The following NPNT variants were observed in gnomAD, a reference collection of about 807,000 sequenced individuals.
NPNT encodes preosteoblast EGF-like repeat protein with MAM domain.
A neutral mutation model predicts 68.6 loss-of-function variants in NPNT; 45 were observed. The observed-to-expected ratio is 0.66, with a 90% CI of 0.52 to 0.84. The LOEUF (loss-of-function observed/expected upper bound fraction) is 0.84, where lower values mean the gene tolerates loss of function less well. Ranked by LOEUF, NPNT falls within the 40% of genes least tolerant of loss-of-function variation. The probability of loss-of-function intolerance (pLI) is 0.00; values close to 1 mark genes in which losing one functional copy is unlikely to be tolerated. For missense variants in NPNT, 672 were observed against 714.8 expected, an observed-to-expected ratio of 0.94 and a Z score of 0.68; for synonymous variants, 233 against 253.3, an observed-to-expected ratio of 0.92 and a Z score of 0.76.
Position 105,958,566 on chromosome 4 carries a change from T to TA in NPNT, c.1246+10dup, listed in dbSNP as rs1455840280. The TA allele has an allele frequency of 2.0e-6, 3 of 1,470,004 alleles. No individual in the cohort carries two copies. The highest frequency in any genetic ancestry group is 2.8e-6 in the Non-Finnish European group (3 of 1,053,044). The allele number at this position is 1,470,004 out of a possible 1,614,324, so 91.1% of individuals were successfully genotyped here. On this transcript the variant is annotated intron_variant, in intron 9 of 11. Transcript: ENST00000379987. Reference sequence around the variant, plus strand: ...AGCAAAGGATGATCCAGGTGACACTTACACTCTTAGTGCCATCATAATGAC... The same window carrying TA: ...AGCAAAGGATGATCCAGGTGACACTTAACACTCTTAGTGCCATCATAATGAC...
chr4:105,937,016 T>C lies in NPNT; in HGVS notation c.273T>C (p.Asn91=). The C allele has an allele frequency of 1.2e-6, 2 of 1,612,982 alleles. No individual in the cohort carries two copies. The highest frequency in any genetic ancestry group is 1.7e-6 in the Non-Finnish European group (2 of 1,179,482). Residue 91 remains asparagine, a synonymous_variant, in exon 4 of 12, where the codon AAT becomes AAC. Coordinates refer to ENST00000379987, the MANE Select transcript of NPNT (RefSeq NM_001033047.3). ...AACCCACATTGTTTTCAGATCTAAA[T>C]GAGTGTGGCCTGAAGCCCCGGCCCT... The part of the protein sequence containing the change: ...YAGKTCNQDL[N]ECGLKPRPCK...
intron 2 of NPNT, among the ~76,000 whole-genome samples, chr4:105,901,356 T>C (rs1726402417): frequency 6.6e-6 from 1 of 152,234 alleles, no homozygotes; most frequent in Non-Finnish European, 1.5e-5. Flanking sequence ...GTTGAAGCTC[T>C]AAACTGCAAC....
intron 8 of NPNT, among the ~76,000 whole-genome samples, chr4:105,947,987 T>G (rs980645804): frequency 6.6e-6 from 1 of 152,218 alleles, no homozygotes; most frequent in Non-Finnish European, 1.5e-5. Flanking sequence ...TTGAATGGAA[T>G]GAAATGGAAT....
intron 2 of NPNT, among the ~76,000 whole-genome samples, chr4:105,926,477 C>T (rs887579434): frequency 5.3e-5 from 8 of 152,028 alleles, no homozygotes; most frequent in African/African-American, 1.7e-4. Flanking sequence ...TGGCGCCTAT[C>T]CACTAGATAC....
In NPNT at chr4:105,940,562, G is replaced by C. The variant is rs143168697; in HGVS notation, c.689G>C (p.Arg230Pro). ...LGQYQCSSFA[R>P]CYNIRGSYKC... ...CAGTATCAGTGCAGCAGCTTTGCTC[G>C]ATGTTATAACATACGTGGGTCCTAC... Residue 230 changes from arginine to proline, a missense_variant, in exon 7 of 12, where the codon CGA (arginine) becomes CCA (proline). Coordinates refer to ENST00000379987, the MANE Select transcript of NPNT (RefSeq NM_001033047.3). 6.2e-7 allele frequency: 1 copy of C among 1,612,908 alleles called. No homozygotes were observed. The highest frequency in any genetic ancestry group is 8.5e-7 in the Non-Finnish European group (1 of 1,179,158).
chr4:105,932,169 T>G (rs1729168565), intron 3 of NPNT, among the ~76,000 whole-genome samples: 1 of 151,970 alleles, frequency 6.6e-6, no homozygotes, highest in Non-Finnish European at 1.5e-5. Context: ...TTTAAACTAC[T>G]ATTGTACAAC....
intron 9 of NPNT, 29 bp from the exon 10 acceptor site, chr4:105,958,999 C>T: frequency 1.4e-6 from 2 of 1,382,602 alleles, no homozygotes; most frequent in Non-Finnish European, 2.1e-6. Context: ...TTTTCTGATC[C>T]ACTCATCTTT....
At chr4:105,903,966 G>A (rs2149319714) in intron 2 of NPNT, among the ~76,000 whole-genome samples, 1 of 151,798 alleles carries the variant, frequency 6.6e-6, no homozygotes, top group Admixed American at 6.6e-5. Flanking sequence ...TGTATTTTTT[G>A]TAGTGACTGG....
chr4:105,963,086 G>C (rs140967837), intron 10 of NPNT, among the ~76,000 whole-genome samples: 1 of 151,954 alleles, frequency 6.6e-6, no homozygotes, highest in South Asian at 2.1e-4. Context: ...TTAGCCAGGC[G>C]TGGTGGCAGG....
In NPNT at chr4:105,940,546, T is replaced by C; in HGVS notation, c.673T>C (p.Cys225Arg). 6.2e-7 allele frequency: 1 copy of C among 1,613,212 alleles called. No homozygotes were observed. The highest frequency in any genetic ancestry group is 8.5e-7 in the Non-Finnish European group (1 of 1,179,274). Residue 225 changes from cysteine (C) to arginine (R), a missense_variant, in exon 7 of 12, where the codon TGC becomes CGC. Physicochemically the swap from Cys to Arg is radical, Grantham distance 180 (BLOSUM62 -3). Transcript: ENST00000379987. ...IDECSLGQYQ[C>R]SSFARCYNIR... ...CGAATGCTCACTTGGTCAGTATCAG[T>C]GCAGCAGCTTTGCTCGATGTTATAA...
At chr4:105,956,015 A>G (rs1030354704) in intron 8 of NPNT, among the ~76,000 whole-genome samples, 2 of 152,150 alleles carry the variant, frequency 1.3e-5, no homozygotes, top group East Asian at 1.9e-4. Context: ...GAAGGTATAC[A>G]TGATCATCTG....
intron 5 of NPNT, among the ~76,000 whole-genome samples, chr4:105,938,811 T>A (rs1167924930): frequency 1.3e-5 from 2 of 152,114 alleles, no homozygotes; most frequent in Non-Finnish European, 2.9e-5. Context: ...TCTGGTAAAT[T>A]AGGAAGGCAG....
At chr4:105,913,502 G>T (rs916152806) in intron 2 of NPNT, among the ~76,000 whole-genome samples, 7 of 152,176 alleles carry the variant, frequency 4.6e-5, no homozygotes, top group Non-Finnish European at 1.0e-4. Context: ...GAGCTGCAAT[G>T]TTGTAATCTT....
chr4:105,968,378 A>T (rs1016832536), intron 11 of NPNT, among the ~76,000 whole-genome samples: 6 of 152,280 alleles, frequency 3.9e-5, no homozygotes, highest in Admixed American at 3.3e-4. Context: ...TATAGAAAAT[A>T]TAATGTAAGA....
intron 2 of NPNT, among the ~76,000 whole-genome samples, chr4:105,915,140 G>A (rs1727698103): frequency 6.6e-6 from 1 of 152,146 alleles, no homozygotes; most frequent in Admixed American, 6.5e-5. Flanking sequence ...GGTCTGCATT[G>A]CTGCGAGGAG....
chr4:105,900,729 C>T (rs1212657595), intron 2 of NPNT, among the ~76,000 whole-genome samples: 1 of 152,172 alleles, frequency 6.6e-6, no homozygotes, highest in Non-Finnish European at 1.5e-5. Context: ...CCTGTACCAC[C>T]CAACATTCTA....
chr4:105,931,551 G>C (rs1038292037), intron 3 of NPNT, among the ~76,000 whole-genome samples: 1 of 151,744 alleles, frequency 6.6e-6, no homozygotes, highest in Non-Finnish European at 1.5e-5. Flanking sequence ...CCAGCCGGGC[G>C]CCGTGGCTCT....
chr4:105,898,318 CTCTCTCTCTG>C (rs1330169711), intron 2 of NPNT, among the ~76,000 whole-genome samples: 9 of 127,580 alleles, frequency 7.1e-5, no homozygotes, highest in Admixed American at 3.0e-4. Flanking sequence ...CTCTGTCTCT[CTCTCTCTCTG>C]TCTCTCTCTC....
chr4:105,970,831 G>A lies in NPNT; in HGVS notation c.*1841G>A, dbSNP rs1732513190. ...TTTAGAACTAAATAATTTGGACAAG[G>A]CTTAATTTAGGCATTTCCCTCTTGA... On this transcript the variant is annotated 3_prime_UTR_variant, in exon 12 of 12. Coordinates refer to ENST00000379987, the MANE Select transcript of NPNT (RefSeq NM_001033047.3). 3.8e-5 allele frequency: 12 copies of A among 313,152 alleles called. No individual in the cohort carries two copies. Among genetic ancestry groups the A allele is most frequent in the South Asian group, 3.4e-4 (12 of 35,772 alleles). 19.4% of individuals were successfully genotyped at this position (313,152 alleles called of 1,614,324 possible). A position where few individuals can be genotyped will look rare whatever the true frequency, so the allele number is the denominator to read the frequency against.
Sources: gnomAD v4.1 joint callset for allele counts (sites outside exome capture counted in the v4.1 genomes callset) on GRCh38, gnomAD v4.1.1 for gene constraint, MANE v1.5 for transcripts, NCBI Gene and HGNC (gene_info 2026-07-23, HGNC 2026-07-21) for gene names.